Variants in MMP10 observed in about 807,000 individuals in gnomAD.
MMP10 encodes matrix metallopeptidase 10.
In MMP10, 50 loss-of-function variants were observed where a neutral mutation model predicts 49.1. That is an observed-to-expected ratio of 1.02 (90% CI 0.81 to 1.29). MMP10 has a LOEUF of 1.29. MMP10 is among the 50% of genes most tolerant of loss of function. The pLI, the probability that MMP10 is intolerant of heterozygous loss-of-function variation, is 0.00. For missense variants in MMP10, 613 were observed against 563.8 expected, an observed-to-expected ratio of 1.09 and a Z score of -0.88; for synonymous variants, 229 against 201.6, an observed-to-expected ratio of 1.14 and a Z score of -1.15.
In MMP10 at chr11:102,770,756, A is replaced by G; in HGVS notation, c.*37T>C. 2.2e-6 allele frequency: 3 copies of G among 1,335,562 alleles called. No homozygotes were observed. Among genetic ancestry groups the G allele is most frequent in the Non-Finnish European group, 3.2e-6 (3 of 951,578 alleles). The allele number at this position is 1,335,562 out of a possible 1,614,324, so 82.7% of individuals were successfully genotyped here. On this transcript the variant is annotated 3_prime_UTR_variant, in exon 10 of 10. Transcript: ENST00000279441. ...CATTAGATGAATAATTATTAGATTT[A>G]TTAAAAACACCCATATCTGTCTTCC...
chr11:102,774,780 G>T (rs548919002), intron 7 of MMP10, among the ~76,000 whole-genome samples: 2 of 152,202 alleles, frequency 1.3e-5, no homozygotes, highest in African/African-American at 4.8e-5. Flanking sequence ...ACATCTTACC[G>T]ATTAAAGTTT....
intron 4 of MMP10, 39 bp from the exon 5 acceptor site, chr11:102,776,815 T>C (rs1197780290): frequency 6.2e-7 from 1 of 1,612,046 alleles, no homozygotes; most frequent in Non-Finnish European, 8.5e-7. Context: ...TCACCAGCTC[T>C]TTCTTCCATA....
chr11:102,775,036 A>G, intron 7 of MMP10, 152 bp downstream of exon 7: 1 of 530,174 alleles, frequency 1.9e-6, no homozygotes, highest in Non-Finnish European at 3.0e-6. Flanking sequence ...TCTAAAATAA[A>G]GTTTATAATG....
rs1857813844 is a variant in MMP10, at chr11:102,780,473, C to T, written c.105+14G>A. ...AGCTGGCCAGTAGCTGCAATAGATG[C>T]CACCGTTAATTACCTGGGCAAGATC... On this transcript the variant is annotated intron_variant, in intron 1 of 9. Transcript: ENST00000279441. 2.5e-6 allele frequency: 4 copies of T among 1,611,782 alleles called. No individual in the cohort carries two copies. The highest frequency in any genetic ancestry group is 1.3e-5 in the African/African-American group (1 of 74,866).
intron 3 of MMP10, 58 bp from the exon 4 acceptor site, chr11:102,778,807 C>G (rs1210229118): frequency 1.0e-5 from 16 of 1,594,578 alleles, no homozygotes; most frequent in Non-Finnish European, 1.4e-5. Flanking sequence ...TTACCCTGTT[C>G]CAATTAAACA....
chr11:102,780,573 G>T lies in MMP10; in HGVS notation c.19C>A (p.Leu7Ile), dbSNP rs944108168. The T allele has an allele frequency of 6.2e-7, 1 of 1,613,852 alleles. No individual in the cohort carries two copies. Among genetic ancestry groups the T allele is most frequent in the African/African-American group, 1.3e-5 (1 of 75,032 alleles). The change falls in exon 1 of 10, where the codon CTT (leucine) becomes ATT (isoleucine). Residue 7 changes from leucine (L) to isoleucine (I), a missense_variant. Transcript: ENST00000279441. MMHLAF[L>I]VLLCLPVCSA... ...CAGACTGGCAGACACAACAGCACAA[G>T]GAATGCAAGATGCATCATTCTCACT...
chr11:102,771,910 C>T, intron 9 of MMP10, 102 bp downstream of exon 9: 1 of 760,160 alleles, frequency 1.3e-6, no homozygotes, highest in South Asian at 1.6e-5. Flanking sequence ...AAAAAGATAT[C>T]AGACTGAATG....
At position 102,780,620 on chromosome 11, in the gene MMP10, TG is replaced by T; in HGVS notation, c.-30del. 1 of 1,597,296 alleles carries T rather than the reference TG, an allele frequency of 6.3e-7. No homozygotes were observed. The highest frequency in any genetic ancestry group is 1.1e-5 in the South Asian group (1 of 89,504). On this transcript the variant is annotated 5_prime_UTR_variant, in exon 1 of 10. Coordinates refer to ENST00000279441, the MANE Select transcript of MMP10 (RefSeq NM_002425.3). ...CACTGCCCTTACCTTCTTTGTCTAC[TG>T]GGCTTCTAGCTCTACCCCCTAGTGG...
chr11:102,771,021 T>G, intron 9 of MMP10, 128 bp from the exon 10 acceptor site: 1 of 604,820 alleles, frequency 1.7e-6, no homozygotes. Flanking sequence ...TGCCAAGCAC[T>G]GAGCTAAGTG....
At position 102,771,077 on chromosome 11, in the gene MMP10, G is replaced by A. The variant is rs12293223; in HGVS notation, c.1331-184C>T. On this transcript the variant is annotated intron_variant, in intron 9 of 9. Coordinates refer to ENST00000279441, the MANE Select transcript of MMP10 (RefSeq NM_002425.3). The stretch of plus-strand genomic sequence containing the variant: ...TTACCCTTACAAAAAACTGTGATGT[G>A]TTATTAATGAGAACAAAACTAAAAA... Among the ~76,000 whole-genome samples the A allele has an allele frequency of 2.4e-3, 364 of 152,270 alleles. 2 individuals carry two copies. Among genetic ancestry groups the A allele is most frequent in the African/African-American group, 8.4e-3 (348 of 41,556 alleles).
chr11:102,778,417 C>T (rs367827143), intron 4 of MMP10, among the ~76,000 whole-genome samples: 1 of 152,206 alleles, frequency 6.6e-6, no homozygotes, highest in African/African-American at 2.4e-5. Context: ...CAATATTGTA[C>T]TTGGTGGGGG....
chr11:102,776,454 A>G, intron 5 of MMP10, 30 bp from the exon 6 acceptor site: 7 of 1,604,112 alleles, frequency 4.4e-6, no homozygotes, highest in Non-Finnish European at 6.0e-6. Context: ...GGATGCAAAC[A>G]TTAAAAAAAA....
At position 102,770,708 on chromosome 11, in the gene MMP10, A is replaced by G; in HGVS notation, c.*85T>C. 2 of 811,752 alleles carry G rather than the reference A, an allele frequency of 2.5e-6. No homozygotes were observed. Among genetic ancestry groups the G allele is most frequent in the South Asian group, 3.8e-5 (2 of 52,450 alleles). 50.3% of individuals were successfully genotyped at this position (811,752 alleles called of 1,614,324 possible). On this transcript the variant is annotated 3_prime_UTR_variant, in exon 10 of 10. Coordinates refer to ENST00000279441, the MANE Select transcript of MMP10 (RefSeq NM_002425.3). ...TTCAGTCACAGAACATGCAGGAAAAATTAACCATTTTGGCTCATAATACAT... is the reference window on the plus strand; with the variant it reads ...TTCAGTCACAGAACATGCAGGAAAAGTTAACCATTTTGGCTCATAATACAT...
chr11:102,776,283 T>C lies in MMP10; in HGVS notation c.929A>G (p.Asp310Gly), dbSNP rs774670415. The part of the protein sequence containing the change: ...TLRGEYLFFK[D>G]RYFWRRSHWN... ...AAATATAATTTTCTGGTCTGACCTG[T>C]CTTTAAAGAACAGATATTCTCCCCT... The change falls in exon 6 of 10, where the codon GAC (aspartate) becomes GGC (glycine). Residue 310 changes from aspartate (D) to glycine (G), a missense_variant. Transcript: ENST00000279441. The C allele has an allele frequency of 6.2e-6, 10 of 1,613,226 alleles. No homozygotes were observed. The highest frequency in any genetic ancestry group is 7.6e-6 in the Non-Finnish European group (9 of 1,179,582).
chr11:102,779,568 C>T lies in MMP10; in HGVS notation c.283G>A (p.Asp95Asn), dbSNP rs144369862. Residue 95 changes from aspartate to asparagine, a missense_variant, in exon 2 of 10, where the codon GAC becomes AAC. By Grantham distance (23) the Asp-to-Asn change is conservative (BLOSUM62 1). Coordinates refer to ENST00000279441, the MANE Select transcript of MMP10 (RefSeq NM_002425.3). The stretch of plus-strand genomic sequence containing the variant: ...GGAAAGGAGCTGAAGTGACCAACGT[C>T]AGGAACTCCACACCTGGGCTTGCGC... ...VMRKPRCGVP[D>N]VGHFSSFPGM... 1.4e-5 allele frequency: 22 copies of T among 1,613,956 alleles called. No individual in the cohort carries two copies. In the African/African-American group the frequency reaches 2.5e-4, roughly 19 times the overall value.
At position 102,779,769 on chromosome 11, in the gene MMP10, G is replaced by A. The variant is rs1482859372; in HGVS notation, c.106-24C>T. ...TGCTAATGGAAAATAGAATTTTTAGGGCATTTTTGTGATTTTCCATCATTT... is the reference window on the plus strand; with the variant it reads ...TGCTAATGGAAAATAGAATTTTTAGAGCATTTTTGTGATTTTCCATCATTT... On this transcript the variant is annotated intron_variant, in intron 1 of 9. Transcript: ENST00000279441. 2.5e-6 allele frequency: 4 copies of A among 1,583,254 alleles called. No individual in the cohort carries two copies. In the African/African-American group the frequency reaches 5.4e-5, roughly 21 times the overall value.
chr11:102,774,344 C>A (rs570559844), intron 7 of MMP10, among the ~76,000 whole-genome samples: 1 of 151,436 alleles, frequency 6.6e-6, no homozygotes, highest in Non-Finnish European at 1.5e-5. Context: ...ATTAAGGCAA[C>A]AATAAAGATA....
Position 102,772,895 on chromosome 11 carries a change from T to A in MMP10, c.1178A>T (p.Asp393Val). Residue 393 changes from aspartate to valine, a missense_variant, in exon 8 of 10, where the codon GAC becomes GTC. Transcript: ENST00000279441. The surrounding 1 kb of genome is among the most constrained non-coding windows in gnomAD (Gnocchi z 4.4). Reference sequence around the variant, plus strand: ...GAAGTATGTTTTCTTCTTTTCCTTGTCAGAAACAGCTGCATCAATTTTCCT... The same window carrying A: ...GAAGTATGTTTTCTTCTTTTCCTTGACAGAAACAGCTGCATCAATTTTCCT... The part of the protein sequence containing the change: ...TIRKIDAAVS[D>V]KEKKKTYFFA... 6.2e-7 allele frequency: 1 copy of A among 1,613,872 alleles called. No individual in the cohort carries two copies.
intron 9 of MMP10, among the ~76,000 whole-genome samples, chr11:102,771,480 A>G (rs1194090563): frequency 6.6e-6 from 1 of 152,228 alleles, no homozygotes; most frequent in African/African-American, 2.4e-5. Context: ...AATCAAGAAC[A>G]AGTTTTGCTT....
Sources: gnomAD v4.1 joint callset for allele counts (sites outside exome capture counted in the v4.1 genomes callset) on GRCh38, gnomAD v4.1.1 for gene constraint, Gnocchi (gnomAD v3.1) non-coding constraint, MANE v1.5 for transcripts, NCBI Gene and HGNC (gene_info 2026-07-23, HGNC 2026-07-21) for gene names.